The following USP42 variants were observed in gnomAD, a reference collection of about 807,000 sequenced individuals.
USP42 encodes ubiquitin carboxyl-terminal hydrolase 42.
Under a neutral mutation model 113.0 loss-of-function variants are expected in USP42, and 23 were observed. The observed-to-expected ratio is 0.20, with a 90% CI of 0.15 to 0.29. The LOEUF (loss-of-function observed/expected upper bound fraction) is 0.29. Among genes scored for constraint, USP42 ranks in the 10% least tolerant of loss-of-function variants. USP42 has a pLI of 1.00. For missense variants in USP42, 2,174 were observed against 1,779.8 expected, an observed-to-expected ratio of 1.22 and a Z score of -3.99; for synonymous variants, 933 against 699.0, an observed-to-expected ratio of 1.33 and a Z score of -5.28.
At chr7:6,146,061 CAAA>C in intron 10 of USP42, 84 bp from the exon 11 acceptor site, 1 of 1,072,624 alleles carries the variant, frequency 9.3e-7, no homozygotes, top group Non-Finnish European at 1.3e-6. Context: ...GACTCCATCT[CAAA>C]AAAAAAGAAA....
chr7:6,151,480 C>T (rs1196470824), intron 14 of USP42, among the ~76,000 whole-genome samples: 1 of 152,184 alleles, frequency 6.6e-6, no homozygotes, highest in African/African-American at 2.4e-5. Flanking sequence ...GCTGTGTCAC[C>T]AGGCTGGAGT....
upstream of USP42, among the ~76,000 whole-genome samples, chr7:6,102,763 A>C (rs1157883235): frequency 6.6e-6 from 1 of 150,826 alleles, no homozygotes; most frequent in Non-Finnish European, 1.5e-5. Flanking sequence ...AAAAGAGGAA[A>C]GGGAACTTGG....
intron 3 of USP42, among the ~76,000 whole-genome samples, chr7:6,123,832 C>CAAAAA (rs34032326): frequency 1.4e-5 from 1 of 72,760 alleles, no homozygotes; most frequent in African/African-American, 4.1e-5. Flanking sequence ...GACCCTGTCT[C>CAAAAA]AAAAAAAAAA....
chr7:6,088,338 C>G, the USP42 span, among the ~76,000 whole-genome samples: 28 of 151,132 alleles, frequency 1.9e-4, no homozygotes, highest in East Asian at 3.3e-3. Context: ...TCACTGCAAC[C>G]TCTGCCTCCC....
the USP42 span, among the ~76,000 whole-genome samples, chr7:6,099,011 T>C: frequency 6.7e-6 from 1 of 150,218 alleles, no homozygotes; most frequent in Middle Eastern, 3.4e-3. Context: ...ATTAGAGTCC[T>C]GACTTTGGTG....
intron 3 of USP42, among the ~76,000 whole-genome samples, chr7:6,123,841 A>C (rs901578222): frequency 1.3e-5 from 2 of 150,494 alleles, no homozygotes; most frequent in Non-Finnish European, 3.0e-5. Flanking sequence ...TCAAAAAAAA[A>C]AAAAAAAAAA....
In USP42 at chr7:6,139,461, A is replaced by G. The variant is rs1017789889; in HGVS notation, c.656+267A>G. 6.2e-6 allele frequency: 2 copies of G among 321,764 alleles called. No homozygotes were observed. Among genetic ancestry groups the G allele is most frequent in the East Asian group, 1.2e-4 (2 of 16,072 alleles). 19.9% of individuals were successfully genotyped at this position (321,764 alleles called of 1,614,324 possible). On this transcript the variant is annotated intron_variant, in intron 5 of 17. Coordinates refer to ENST00000306177, the MANE Select transcript of USP42 (RefSeq NM_032172.3). The surrounding 1 kb of genome is among the most constrained non-coding windows in gnomAD (Gnocchi z 4.5). ...TGGTCTTGCAGCTATTTAATTTCTC[A>G]TTATCAGCAGACGTCTGCAGATCTC... is the stretch of plus-strand genomic sequence containing the variant.
the USP42 span, chr7:6,088,966 C>A: frequency 6.6e-6 from 1 of 151,042 alleles, no homozygotes; most frequent in African/African-American, 2.5e-5. Flanking sequence ...AGGGGAGTGC[C>A]AGGTTTGGTC....
rs1781684275 is a variant in USP42 at position 6,145,796 on chromosome 7, G to T, written c.1131+140G>T. On this transcript the variant is annotated intron_variant, in intron 10 of 17. Transcript: ENST00000306177. ...GTAAAAATATTTCTCTTGGCCGGGC[G>T]CAGTGGCTTACTCCTGTAATCCCTA... 6 of 1,015,724 alleles carry T rather than the reference G, an allele frequency of 5.9e-6. No homozygotes were observed. In the Admixed American group the frequency reaches 1.4e-4, roughly 24 times the overall value. 62.9% of individuals were successfully genotyped at this position (1,015,724 alleles called of 1,614,324 possible). A position where few individuals can be genotyped will look rare whatever the true frequency, so the allele number is the denominator to read the frequency against.
At chr7:6,146,648 G>C (rs1781732970) in intron 11 of USP42, among the ~76,000 whole-genome samples, 2 of 152,146 alleles carry the variant, frequency 1.3e-5, no homozygotes, top group Admixed American at 1.3e-4. Flanking sequence ...CTGAGTGACA[G>C]AGCAAGACTG....
chr7:6,101,053 T>C (rs1002308485), upstream of USP42, among the ~76,000 whole-genome samples: 16 of 150,736 alleles, frequency 1.1e-4, no homozygotes, highest in Admixed American at 4.0e-4. Flanking sequence ...AATTTGGCCT[T>C]GAGGGGAGCG....
chr7:6,118,491 C>T (rs908836713), intron 3 of USP42, among the ~76,000 whole-genome samples: 4 of 151,708 alleles, frequency 2.6e-5, no homozygotes, highest in African/African-American at 7.3e-5. Flanking sequence ...CACTTTATTC[C>T]AGTCTGGGTG....
rs1333285975 is a variant in USP42, at chr7:6,111,162, C to A, written c.29C>A (p.Ser10Tyr). 5 of 1,613,200 alleles carry A rather than the reference C, an allele frequency of 3.1e-6. No homozygotes were observed. In the Admixed American group the frequency reaches 8.3e-5, roughly 27 times the overall value. ...ACCATAGTTGACAAAGCTTCTGAAT[C>A]TTCAGACCCATCAGCCTATCAGAAT... MTIVDKASESSDPSAYQNQP... is the reference protein window; with the variant it reads MTIVDKASEYSDPSAYQNQP... Residue 10 changes from serine (S) to tyrosine (Y), a missense_variant, in exon 2 of 18, where the codon TCT becomes TAT. Coordinates refer to ENST00000306177, the MANE Select transcript of USP42 (RefSeq NM_032172.3).
intron 3 of USP42, among the ~76,000 whole-genome samples, chr7:6,132,289 T>G (rs946623943): frequency 3.9e-5 from 6 of 152,218 alleles, no homozygotes; most frequent in Non-Finnish European, 5.9e-5. Flanking sequence ...CTGTGCCTGA[T>G]AAGAAGTCTG....
intron 3 of USP42, among the ~76,000 whole-genome samples, chr7:6,124,135 C>G (rs941790991): frequency 6.6e-6 from 1 of 152,054 alleles, no homozygotes; most frequent in Non-Finnish European, 1.5e-5. Flanking sequence ...CTCAGTCTCC[C>G]TAAGTGCTGG....
chr7:6,124,374 T>C lies in USP42; in HGVS notation c.442+8851T>C, dbSNP rs1317922202. Among the ~76,000 whole-genome samples, 3 of 152,016 alleles carry C rather than the reference T, an allele frequency of 2.0e-5. No individual in the cohort carries two copies. The East Asian group carries it at 5.8e-4, about 29-fold the overall frequency. ...CCTTCACTTCCCAGGTTCAAGTGAT[T>C]CTTCTGCCTCAGCCTCCCATGTAGC... On this transcript the variant is annotated intron_variant, in intron 3 of 17. Coordinates refer to ENST00000306177, the MANE Select transcript of USP42 (RefSeq NM_032172.3).
At chr7:6,114,035 A>C (rs2128479787) in intron 2 of USP42, among the ~76,000 whole-genome samples, 1 of 152,308 alleles carries the variant, frequency 6.6e-6, no homozygotes, top group South Asian at 2.1e-4. Flanking sequence ...CTTCATCTTG[A>C]GTTCCATTAT....
At chr7:6,133,813 C>T (rs1482732495) in intron 3 of USP42, among the ~76,000 whole-genome samples, 1 of 152,128 alleles carries the variant, frequency 6.6e-6, no homozygotes, top group African/African-American at 2.4e-5. Flanking sequence ...AGCCACCGCA[C>T]CTGGTGCATT....
chr7:6,145,695 C>T (rs1321505613), intron 10 of USP42, 39 bp downstream of exon 10: 2 of 1,592,398 alleles, frequency 1.3e-6, no homozygotes, highest in Non-Finnish European at 8.6e-7. Flanking sequence ...TTGTTACATA[C>T]ATGCTATAAG....
Sources: allele counts gnomAD v4.1 joint callset (sites outside exome capture counted in the v4.1 genomes callset), GRCh38; gene constraint gnomAD v4.1.1; non-coding constraint Gnocchi (gnomAD v3.1); transcripts MANE v1.5; gene names NCBI Gene and HGNC (gene_info 2026-07-23, HGNC 2026-07-21).